The following PCDHGA3 variants were observed in gnomAD, a reference collection of about 807,000 sequenced individuals.
The protein encoded by PCDHGA3 is protocadherin gamma subfamily A, 3.
In PCDHGA3, 40 loss-of-function variants were observed where a neutral mutation model predicts 58.5. The observed-to-expected ratio is 0.68, with a 90% CI of 0.53 to 0.89. The LOEUF (loss-of-function observed/expected upper bound fraction) is 0.89, where lower values mean the gene tolerates loss of function less well. Among genes scored for constraint, PCDHGA3 ranks in the 40% least tolerant of loss-of-function variants. The probability of loss-of-function intolerance (pLI) is 0.00; values close to 1 mark genes in which losing one functional copy is unlikely to be tolerated. For missense variants in PCDHGA3, 1,223 were observed against 1,195.9 expected (o/e 1.02, Z -0.33); for synonymous variants, 530 against 525.7 (o/e 1.01, Z -0.11).
rs532907359 is a variant in PCDHGA3, at chr5:141,500,353, C to T, written c.2484-5040C>T. 1.9e-4 allele frequency among the ~76,000 whole-genome samples: 29 copies of T among 152,052 alleles called. No homozygotes were observed. The East Asian group carries it at 5.2e-3, about 27-fold the overall frequency. The stretch of plus-strand genomic sequence containing the variant: ...CCTCCAGAATAGCTGGGACTACAGG[C>T]GCCCACTACCACGCCCGGCTAATTA... On this transcript the variant is annotated intron_variant, in intron 2 of 3. Transcript: ENST00000253812.
chr5:141,500,184 T>TTTTTTTTATTTA (rs1554186429), intron 2 of PCDHGA3, among the ~76,000 whole-genome samples: 16 of 135,886 alleles, frequency 1.2e-4, no homozygotes, highest in African/African-American at 4.3e-4. Context: ...TCATTTTTAT[T>TTTTTTTTATTTA]TTTATTTATT....
chr5:141,415,740 G>GTTTTTTTTTT lies in PCDHGA3; in HGVS notation c.2424+69306_2424+69315dup, dbSNP rs57426385. 90 of 625,044 alleles carry GTTTTTTTTTT rather than the reference G, an allele frequency of 1.4e-4. 1 individual carries two copies. The highest frequency in any genetic ancestry group is 4.1e-4 in the East Asian group (6 of 14,742). The allele number at this position is 625,044 out of a possible 1,614,324, so 38.7% of individuals were successfully genotyped here. On this transcript the variant is annotated intron_variant, in intron 1 of 3. Coordinates refer to ENST00000253812, the MANE Select transcript of PCDHGA3 (RefSeq NM_018916.4). ...TGAGTAGAATTTGATGTTTATTAAG[G>GTTTTTTTTTT]TTTTTTTTTTTTTTTTTTTTTTTTT...
At chr5:141,509,692 C>T (rs755446680) in intron 3 of PCDHGA3, among the ~76,000 whole-genome samples, 8 of 152,126 alleles carry the variant, frequency 5.3e-5, no homozygotes, top group Non-Finnish European at 1.0e-4. Context: ...TACAGTGGGA[C>T]GTTGGACTGG....
At position 141,414,787 on chromosome 5, in the gene PCDHGA3, G is replaced by C. The variant is rs372484037; in HGVS notation, c.2424+68330G>C. ...TCATGAGCTACAGATGCAGGTGACA[G>C]CCAGCGACAGCGGGGATCCTCCACT... On this transcript the variant is annotated intron_variant, in intron 1 of 3. Coordinates refer to ENST00000253812, the MANE Select transcript of PCDHGA3 (RefSeq NM_018916.4). 12 of 1,614,230 alleles carry C rather than the reference G, an allele frequency of 7.4e-6. No homozygotes were observed. The highest frequency in any genetic ancestry group is 2.2e-5 in the East Asian group (1 of 44,874).
Position 141,490,795 on chromosome 5 carries a change from C to G in PCDHGA3, c.2425-4012C>G. The G allele has an allele frequency of 6.2e-7, 1 of 1,614,036 alleles. No homozygotes were observed. The highest frequency in any genetic ancestry group is 1.1e-5 in the South Asian group (1 of 91,084). Reference sequence around the variant, plus strand: ...CCCAGAGGATGGACGGATCTTTGCCCAGCGTACCTTTGACTATGAATTGCT... The same window carrying G: ...CCCAGAGGATGGACGGATCTTTGCCGAGCGTACCTTTGACTATGAATTGCT... On this transcript the variant is annotated intron_variant, in intron 1 of 3. Transcript: ENST00000253812. This position sits in a 1 kb window ranked among gnomAD's most constrained non-coding sequence, Gnocchi z 5.4.
intron 1 of PCDHGA3, chr5:141,430,745 T>C (rs377018529): frequency 1.3e-4 from 191 of 1,499,634 alleles, no homozygotes; most frequent in Non-Finnish European, 1.7e-4. Context: ...AAAATAATTC[T>C]GGAGGAAGAT....
chr5:141,414,981 C>G (rs766434004), intron 1 of PCDHGA3: 12 of 1,613,722 alleles, frequency 7.4e-6, no homozygotes, highest in East Asian at 6.7e-5. Flanking sequence ...ACAGAGACTC[C>G]GGCCAGAACG....
chr5:141,384,018 C>G, intron 1 of PCDHGA3: 1 of 1,613,740 alleles, frequency 6.2e-7, no homozygotes, highest in Non-Finnish European at 8.5e-7. Context: ...ACCTACAAGA[C>G]AGAGATTCTG....
At chr5:141,410,394 T>C in intron 1 of PCDHGA3, 1 of 1,614,054 alleles carries the variant, frequency 6.2e-7, no homozygotes, top group Non-Finnish European at 8.5e-7. Context: ...CATCCTGGTC[T>C]CTGTGTCAAG....
chr5:141,394,501 T>C (rs768158418), intron 1 of PCDHGA3: 1 of 1,614,216 alleles, frequency 6.2e-7, no homozygotes, highest in Admixed American at 1.7e-5. Context: ...CCCGAGATCC[T>C]GTACCCCGCC....
chr5:141,376,721 C>T (rs938507888), intron 1 of PCDHGA3: 2 of 596,528 alleles, frequency 3.4e-6, no homozygotes, highest in Admixed American at 3.5e-5. Context: ...GCTCTGTCGC[C>T]CAGGCCGGAC....
chr5:141,511,230 C>A lies in PCDHGA3; in HGVS notation c.*57C>A. On this transcript the variant is annotated 3_prime_UTR_variant, in exon 4 of 4. Transcript: ENST00000253812. ...CCTCTCCCCAACCAGCCCAGCTTCT[C>A]CTTACCTGCACCCAGGCCTCAGAGT... 6.3e-7 allele frequency: 1 copy of A among 1,597,914 alleles called. No homozygotes were observed. The highest frequency in any genetic ancestry group is 1.1e-5 in the South Asian group (1 of 89,144).
chr5:141,460,416 A>C (rs966481039), intron 1 of PCDHGA3, among the ~76,000 whole-genome samples: 1 of 152,138 alleles, frequency 6.6e-6, no homozygotes, highest in African/African-American at 2.4e-5. Flanking sequence ...GTTGATGTTT[A>C]TGTATGGTGT....
At position 141,409,389 on chromosome 5, in the gene PCDHGA3, C is replaced by G; in HGVS notation, c.2424+62932C>G. On this transcript the variant is annotated intron_variant, in intron 1 of 3. Transcript: ENST00000253812. ...ACAGACATTCCATTCAAGATTTATT[C>G]TTCTTCCAATAACTACTACAAACTG... 6.2e-7 allele frequency: 1 copy of G among 1,614,006 alleles called. No homozygotes were observed. Among genetic ancestry groups the G allele is most frequent in the Admixed American group, 1.7e-5 (1 of 60,020 alleles).
rs375469126 is a variant in PCDHGA3 at position 141,405,300 on chromosome 5, A to G, written c.2424+58843A>G. 207 of 1,614,206 alleles carry G rather than the reference A, an allele frequency of 1.3e-4. No homozygotes were observed. Among genetic ancestry groups the G allele is most frequent in the Non-Finnish European group, 1.6e-4 (193 of 1,180,010 alleles). On this transcript the variant is annotated intron_variant, in intron 1 of 3. Transcript: ENST00000253812. Reference sequence around the variant, plus strand: ...TATGCAGACACACTCATCAGCCAGCAGAGCTGTGAGAAAAATGAGCCTTTG... The same window carrying G: ...TATGCAGACACACTCATCAGCCAGCGGAGCTGTGAGAAAAATGAGCCTTTG...
rs2099613082 is a variant in PCDHGA3, at chr5:141,485,421, C to T, written c.2425-9386C>T. ...TTCCGTGTGGATTTGGACAGCGGAG[C>T]CCTGCTCATCAAGAACCCAATCGAC... On this transcript the variant is annotated intron_variant, in intron 1 of 3. Coordinates refer to ENST00000253812, the MANE Select transcript of PCDHGA3 (RefSeq NM_018916.4). The surrounding 1 kb of genome is among the most constrained non-coding windows in gnomAD (Gnocchi z 5.7). The T allele has an allele frequency of 6.2e-7, 1 of 1,614,112 alleles. No individual in the cohort carries two copies. Among genetic ancestry groups the T allele is most frequent in the Non-Finnish European group, 8.5e-7 (1 of 1,180,010 alleles).
At chr5:141,415,116 A>T in intron 1 of PCDHGA3, 1 of 1,613,652 alleles carries the variant, frequency 6.2e-7, no homozygotes, top group Non-Finnish European at 8.5e-7. Flanking sequence ...AAAGCCTCGT[A>T]GTGGCCGTCC....
chr5:141,374,436 C>T, intron 1 of PCDHGA3: 3 of 1,613,872 alleles, frequency 1.9e-6, no homozygotes, highest in Non-Finnish European at 2.5e-6. Context: ...AATCTTTATC[C>T]CGTGGAAGTG....
At chr5:141,361,113 T>C (rs773447927) in intron 1 of PCDHGA3, 2 of 1,613,996 alleles carry the variant, frequency 1.2e-6, no homozygotes, top group East Asian at 2.2e-5. Flanking sequence ...ATCCTGGAGA[T>C]CTAGCAGCCC....
Sources: allele counts gnomAD v4.1 joint callset (sites outside exome capture counted in the v4.1 genomes callset), GRCh38; gene constraint gnomAD v4.1.1; non-coding constraint Gnocchi (gnomAD v3.1); transcripts MANE v1.5; gene names NCBI Gene and HGNC (gene_info 2026-07-23, HGNC 2026-07-21).